EML5: variants seen among roughly 807,000 people sequenced by gnomAD.
EML5 encodes EMAP like 5, also known as echinoderm microtubule-associated protein-like 5.
EML5 carries 120 observed loss-of-function variants against 250.0 expected under a neutral mutation model. The observed-to-expected ratio is 0.48, with a 90% CI of 0.41 to 0.56. EML5 has a LOEUF of 0.56. EML5 is among the 20% of genes least tolerant of loss of function. The pLI is 0.00. For synonymous variants in EML5, 771 were observed against 806.5 expected, an observed-to-expected ratio of 0.96 and a Z score of 0.75; for missense variants, 2,006 against 2,437.6, an observed-to-expected ratio of 0.82 and a Z score of 3.73.
In EML5 at chr14:88,688,268, T is replaced by C; in HGVS notation, c.2742+3A>G. On this transcript the variant is annotated splice_donor_region_variant and intron_variant, in intron 18 of 43. Coordinates refer to ENST00000554922, the MANE Select transcript of EML5 (RefSeq NM_183387.3). ...TAATTTAAAATCTCTTTAGGTTACT[T>C]ACTTTTTCCAATGCATGCATACTGA... The C allele has an allele frequency of 1.2e-6, 2 of 1,613,864 alleles. No homozygotes were observed. Among genetic ancestry groups the C allele is most frequent in the Non-Finnish European group, 1.7e-6 (2 of 1,179,870 alleles).
intron 8 of EML5, among the ~76,000 whole-genome samples, chr14:88,717,496 C>T (rs930496904): frequency 5.9e-5 from 9 of 152,182 alleles, no homozygotes; most frequent in East Asian, 1.9e-4. Context: ...TGGTGGCTCA[C>T]GCCTGTAATC....
chr14:88,621,369 A>G lies in EML5; in HGVS notation c.5014-68T>C, dbSNP rs772004444. On this transcript the variant is annotated intron_variant, in intron 37 of 43. Transcript: ENST00000554922. ...GCTGCTTTTCTTCTTCATAATATAA[A>G]AATGACCCTATTGACCTGCTTTCAG... 3 of 1,585,966 alleles carry G rather than the reference A, an allele frequency of 1.9e-6. No individual in the cohort carries two copies. In the South Asian group the frequency reaches 3.3e-5, roughly 18 times the overall value.
chr14:88,738,344 AACACAAACC>A (rs1200743900), intron 6 of EML5, among the ~76,000 whole-genome samples: 1 of 152,002 alleles, frequency 6.6e-6, no homozygotes, highest in Non-Finnish European at 1.5e-5. Flanking sequence ...ATATGGTTTA[AACACAAACC>A]TGTGGGTAGC....
At chr14:88,768,428 T>G (rs1879936820) in intron 1 of EML5, among the ~76,000 whole-genome samples, 1 of 151,928 alleles carries the variant, frequency 6.6e-6, no homozygotes, top group Admixed American at 6.6e-5. Context: ...TTTTTTTTTT[T>G]GAGACAGAGT....
At chr14:88,706,551 C>T in intron 10 of EML5, 125 bp from the exon 11 acceptor site, 1 of 724,324 alleles carries the variant, frequency 1.4e-6, no homozygotes, top group South Asian at 3.5e-5. Flanking sequence ...GGGAAAAATG[C>T]TGACTCAAAA....
rs78480979 is a variant in EML5, at chr14:88,748,054, C to T, written c.358-1771G>A. Among the ~76,000 whole-genome samples the T allele has an allele frequency of 5.6e-3, 859 of 152,174 alleles. 7 individuals carry two copies. Among genetic ancestry groups the T allele is most frequent in the African/African-American group, 0.02 (828 of 41,522 alleles). ...TCCATCTAGGAGGCAATTTCTAGAC[C>T]ATGGCACAGAAAGGTGGAATCCAAA... is the stretch of plus-strand genomic sequence containing the variant. On this transcript the variant is annotated intron_variant, in intron 2 of 43. Coordinates refer to ENST00000554922, the MANE Select transcript of EML5 (RefSeq NM_183387.3).
At chr14:88,648,848 G>C (rs1047155205) in intron 28 of EML5, among the ~76,000 whole-genome samples, 1 of 152,064 alleles carries the variant, frequency 6.6e-6, no homozygotes, top group Non-Finnish European at 1.5e-5. Flanking sequence ...GCCCATTTTA[G>C]AGGTTGCTTC....
In EML5 at chr14:88,792,662, G is replaced by C; in HGVS notation, c.-159C>G. The C allele has an allele frequency of 8.8e-7, 1 of 1,138,412 alleles. No individual in the cohort carries two copies. 70.5% of individuals were successfully genotyped at this position (1,138,412 alleles called of 1,614,324 possible). On this transcript the variant is annotated 5_prime_UTR_variant, in exon 1 of 44. Transcript: ENST00000554922. This position sits in a 1 kb window ranked among gnomAD's most constrained non-coding sequence, Gnocchi z 6.9. ...GGTGCATCTCGTTTCGGGGGCCGCC[G>C]CCGCCTCAGCCCACAGGCGGGAGGA...
intron 35 of EML5, chr14:88,626,044 TTC>T (rs1403201029): frequency 6.6e-6 from 1 of 152,206 alleles, no homozygotes; most frequent in Non-Finnish European, 1.5e-5. Flanking sequence ...TGCTATTTCC[TTC>T]TGTCTCACTA....
At position 88,758,200 on chromosome 14, in the gene EML5, AT is replaced by A. The variant is rs34468045; in HGVS notation, c.198-3530del. On this transcript the variant is annotated intron_variant, in intron 1 of 43. Coordinates refer to ENST00000554922, the MANE Select transcript of EML5 (RefSeq NM_183387.3). Reference sequence around the variant, plus strand: ...TATATATACATATATATGTGTATTTATTTTTTTTTGACACAGAGTTTCACTC... The same window carrying A: ...TATATATACATATATATGTGTATTTATTTTTTTTGACACAGAGTTTCACTC... Among the ~76,000 whole-genome samples the A allele has an allele frequency of 6.7e-5, 10 of 149,246 alleles. No homozygotes were observed. In the East Asian group the frequency reaches 1.2e-3, roughly 18 times the overall value.
At chr14:88,756,574 G>C (rs1254645286) in intron 1 of EML5, among the ~76,000 whole-genome samples, 1 of 152,036 alleles carries the variant, frequency 6.6e-6, no homozygotes, top group East Asian at 1.9e-4. Flanking sequence ...CATATATACA[G>C]AAAATCCTAA....
rs1463903874 is a variant in EML5, at chr14:88,649,900, T to TAAAA, written c.4019+8_4019+11dup. ...TTTTTGAATAAAATATTTTCTTTTA[T>TAAAA]AAAACACTTACCTTACTACTCCCTG... On this transcript the variant is annotated intron_variant, in intron 28 of 43. Transcript: ENST00000554922. 1 of 1,491,216 alleles carries TAAAA rather than the reference T, an allele frequency of 6.7e-7. No individual in the cohort carries two copies. Among genetic ancestry groups the TAAAA allele is most frequent in the African/African-American group, 1.4e-5 (1 of 70,224 alleles). The allele number at this position is 1,491,216 out of a possible 1,614,324, so 92.4% of individuals were successfully genotyped here. A position where few individuals can be genotyped will look rare whatever the true frequency, so the allele number is the denominator to read the frequency against.
intron 1 of EML5, among the ~76,000 whole-genome samples, chr14:88,790,677 G>C (rs1208523155): frequency 6.6e-6 from 1 of 152,070 alleles, no homozygotes; most frequent in African/African-American, 2.4e-5. Flanking sequence ...TCTGGAGCAG[G>C]GCTTCAGTTA....
At chr14:88,667,950 C>T (rs2092351612) in intron 21 of EML5, among the ~76,000 whole-genome samples, 1 of 152,186 alleles carries the variant, frequency 6.6e-6, no homozygotes. Flanking sequence ...CTCTGGCAAG[C>T]TTCTCCTTCA....
At chr14:88,739,791 C>G (rs2093898071) in intron 5 of EML5, among the ~76,000 whole-genome samples, 1 of 151,940 alleles carries the variant, frequency 6.6e-6, no homozygotes, top group South Asian at 2.1e-4. Flanking sequence ...ACCAATTCAA[C>G]AACCACAAAA....
intron 20 of EML5, among the ~76,000 whole-genome samples, chr14:88,683,053 G>C (rs1430534455): frequency 7.5e-6 from 1 of 133,754 alleles, no homozygotes; most frequent in Non-Finnish European, 1.7e-5. Flanking sequence ...TCATGCATAA[G>C]TACGTCTCAA....
Position 88,622,014 on chromosome 14 carries a change from T to G in EML5, c.5013+590A>C, listed in dbSNP as rs1007280465. On this transcript the variant is annotated intron_variant, in intron 37 of 43. Coordinates refer to ENST00000554922, the MANE Select transcript of EML5 (RefSeq NM_183387.3). ...GTGTAAACTTGTATCCTTTAACCAG[T>G]CCTTCCCTATCCCCCTCCCCCTCCC... 8.8e-6 allele frequency: 3 copies of G among 342,470 alleles called. No individual in the cohort carries two copies. The Admixed American group carries it at 9.0e-5, about 10-fold the overall frequency. 21.2% of individuals were successfully genotyped at this position (342,470 alleles called of 1,614,324 possible).
intron 1 of EML5, among the ~76,000 whole-genome samples, chr14:88,791,836 C>T (rs2094611206): frequency 6.6e-6 from 1 of 152,184 alleles, no homozygotes; most frequent in African/African-American, 2.4e-5. Flanking sequence ...GGTGAGAGCC[C>T]TTCAGGACGC....
rs188805733 is a variant in EML5, at chr14:88,634,643, C to T, written c.4337-154G>A. ...TGTAAGAGAAGGCACTCATTTCAAT[C>T]ATACATACTTATTAACATGCTATGT... On this transcript the variant is annotated intron_variant, in intron 32 of 43. Coordinates refer to ENST00000554922, the MANE Select transcript of EML5 (RefSeq NM_183387.3). 2.0e-5 allele frequency among the ~76,000 whole-genome samples: 3 copies of T among 152,224 alleles called. No homozygotes were observed. The East Asian group carries it at 5.8e-4, about 29-fold the overall frequency.
Sources: gnomAD v4.1 joint callset for allele counts (sites outside exome capture counted in the v4.1 genomes callset) on GRCh38, gnomAD v4.1.1 for gene constraint, Gnocchi (gnomAD v3.1) non-coding constraint, MANE v1.5 for transcripts, NCBI Gene and HGNC (gene_info 2026-07-23, HGNC 2026-07-21) for gene names.